Variants in SEMA3C observed in about 807,000 individuals in gnomAD.
SEMA3C encodes the protein semaphorin 3C, also known as semaphorin-3C.
Under a neutral mutation model 89.4 loss-of-function variants are expected in SEMA3C, and 47 were observed. The ratio of observed to expected loss-of-function variants is 0.53; its 90% CI spans 0.42 to 0.67. The LOEUF is 0.67. Ranked by LOEUF, SEMA3C falls within the 30% of genes least tolerant of loss-of-function variation. The pLI is 0.00. For synonymous variants in SEMA3C, 310 were observed against 320.2 expected (o/e 0.97, Z 0.34); for missense variants, 839 against 929.1 (o/e 0.90, Z 1.26).
chr7:80,825,603 C>T (rs1425000076), intron 4 of SEMA3C, among the ~76,000 whole-genome samples: 1 of 152,120 alleles, frequency 6.6e-6, no homozygotes, highest in Non-Finnish European at 1.5e-5. Context: ...AGAAACTCGG[C>T]AGCAATTTTT....
chr7:80,766,086 G>C (rs887087898), intron 12 of SEMA3C, among the ~76,000 whole-genome samples: 1 of 152,136 alleles, frequency 6.6e-6, no homozygotes, highest in African/African-American at 2.4e-5. Context: ...TTTCGACATG[G>C]TGAAATGTTT....
chr7:80,890,865 G>C (rs963975752), intron 2 of SEMA3C, among the ~76,000 whole-genome samples: 11 of 152,152 alleles, frequency 7.2e-5, no homozygotes, highest in African/African-American at 2.7e-4. Context: ...AGTAATTTAT[G>C]ATCTTTGTAG....
At chr7:80,785,985 C>T (rs1045306438) in intron 12 of SEMA3C, among the ~76,000 whole-genome samples, 1 of 152,120 alleles carries the variant, frequency 6.6e-6, no homozygotes. Context: ...AATTATAATG[C>T]AGCCGGTTAT....
chr7:80,847,468 T>C (rs1350517951), intron 2 of SEMA3C: 1 of 152,158 alleles, frequency 6.6e-6, no homozygotes, highest in Non-Finnish European at 1.5e-5. Context: ...GCTATACATG[T>C]CCTAAAGATA....
At chr7:80,794,358 G>A (rs541918366) in intron 11 of SEMA3C, among the ~76,000 whole-genome samples, 11 of 151,936 alleles carry the variant, frequency 7.2e-5, no homozygotes, top group East Asian at 1.9e-4. Context: ...TTTTATTCAC[G>A]TTTTGAATAA....
At chr7:80,827,927 T>C (rs1351387465) in intron 3 of SEMA3C, among the ~76,000 whole-genome samples, 1 of 152,106 alleles carries the variant, frequency 6.6e-6, no homozygotes, top group Non-Finnish European at 1.5e-5. Flanking sequence ...CCTGGGTACT[T>C]CAATAGCTAA....
chr7:80,827,415 T>TTTA lies in SEMA3C; in HGVS notation c.327+9_327+10insTAA. On this transcript the variant is annotated intron_variant, in intron 4 of 17. Transcript: ENST00000265361. ...GTGTTTTTTTTTTTTTTTTTTTTTT[T>TTTA]AACACTTACTGTGGGATCTTTGCCA... 1 of 1,471,078 alleles carries TTTA rather than the reference T, an allele frequency of 6.8e-7. No homozygotes were observed. The highest frequency in any genetic ancestry group is 1.6e-5 in the African/African-American group (1 of 64,372). 91.1% of individuals were successfully genotyped at this position (1,471,078 alleles called of 1,614,324 possible). A position where few individuals can be genotyped will look rare whatever the true frequency, so the allele number is the denominator to read the frequency against.
At chr7:80,750,736 G>A (rs2117032038) in intron 16 of SEMA3C, among the ~76,000 whole-genome samples, 1 of 151,948 alleles carries the variant, frequency 6.6e-6, no homozygotes, top group South Asian at 2.1e-4. Flanking sequence ...CTAAGGGCTG[G>A]AGGGAAGAGG....
chr7:80,906,431 C>G (rs1255263880), intron 2 of SEMA3C, among the ~76,000 whole-genome samples: 1 of 152,174 alleles, frequency 6.6e-6, no homozygotes, highest in East Asian at 1.9e-4. Context: ...CCACCTTTAA[C>G]TACATTCCTG....
At chr7:80,799,172 C>A (rs1789138004) in intron 10 of SEMA3C, among the ~76,000 whole-genome samples, 1 of 152,244 alleles carries the variant, frequency 6.6e-6, no homozygotes, top group East Asian at 1.9e-4. Context: ...TCCTTAAAGA[C>A]ATCTTTTTAG....
intron 2 of SEMA3C, among the ~76,000 whole-genome samples, chr7:80,888,764 T>A (rs563283387): frequency 1.3e-5 from 2 of 152,240 alleles, no homozygotes; most frequent in African/African-American, 4.8e-5. Context: ...ATAACCACAA[T>A]AACAAAAAAA....
intron 6 of SEMA3C, among the ~76,000 whole-genome samples, chr7:80,809,298 G>A (rs1789411956): frequency 6.6e-6 from 1 of 152,130 alleles, no homozygotes; most frequent in Admixed American, 6.5e-5. Flanking sequence ...AATCCACAGA[G>A]AATGAACTTG....
intron 11 of SEMA3C, chr7:80,793,313 G>C: frequency 4.3e-6 from 1 of 230,810 alleles, no homozygotes; most frequent in Non-Finnish European, 8.7e-6. Flanking sequence ...AATATCTGCT[G>C]CCTTCTGAAG....
At chr7:80,919,071 G>A (rs1792348405), upstream of SEMA3C, 1 of 985,174 alleles carries the variant, frequency 1.0e-6, no homozygotes, top group Non-Finnish European at 1.2e-6. Flanking sequence ...GTGGCCGGAG[G>A]CCGGGGGCGA....
chr7:80,814,653 A>G (rs1193202766), intron 5 of SEMA3C, among the ~76,000 whole-genome samples: 1 of 151,978 alleles, frequency 6.6e-6, no homozygotes. Flanking sequence ...AACAGACCAA[A>G]CTCAGGCTTA....
intron 12 of SEMA3C, among the ~76,000 whole-genome samples, chr7:80,773,807 G>A (rs537837475): frequency 3.7e-4 from 57 of 152,304 alleles, no homozygotes; most frequent in African/African-American, 1.3e-3. Context: ...GTCTCTGGTT[G>A]AGTCCTGGGC....
At chr7:80,829,429 A>C (rs1789958728) in intron 2 of SEMA3C, among the ~76,000 whole-genome samples, 1 of 152,058 alleles carries the variant, frequency 6.6e-6, no homozygotes, top group Admixed American at 6.6e-5. Context: ...ATCCTCTATT[A>C]ATGTTTTATT....
chr7:80,870,352 T>C (rs1791026993), intron 2 of SEMA3C, among the ~76,000 whole-genome samples: 1 of 152,214 alleles, frequency 6.6e-6, no homozygotes, highest in South Asian at 2.1e-4. Flanking sequence ...ATCATTTATA[T>C]TCAGCACATC....
At chr7:80,802,531 A>G in intron 9 of SEMA3C, 134 bp downstream of exon 9, 2 of 571,638 alleles carry the variant, frequency 3.5e-6, no homozygotes, top group Non-Finnish European at 6.1e-6. Context: ...AACAGTATCT[A>G]GATAATTATT....
Sources: allele counts gnomAD v4.1 joint callset (sites outside exome capture counted in the v4.1 genomes callset), GRCh38; gene constraint gnomAD v4.1.1; transcripts MANE v1.5; gene names NCBI Gene and HGNC (gene_info 2026-07-23, HGNC 2026-07-21).